Variants in SH3RF1 observed in about 807,000 individuals in gnomAD.
SH3RF1 encodes the protein SH3 domain containing ring finger 1, also known as E3 ubiquitin-protein ligase SH3RF1.
Under a neutral mutation model 74.0 loss-of-function variants are expected in SH3RF1, and 32 were observed. That is an observed-to-expected ratio of 0.43 (90% CI 0.33 to 0.58). The LOEUF (loss-of-function observed/expected upper bound fraction) is 0.58, where lower values mean the gene tolerates loss of function less well. Ranked by LOEUF, SH3RF1 falls within the 20% of genes least tolerant of loss-of-function variation. The pLI is 0.05. For missense variants in SH3RF1, 954 were observed against 1,130.9 expected, an observed-to-expected ratio of 0.84 and a Z score of 2.24; for synonymous variants, 396 against 439.6, an observed-to-expected ratio of 0.90 and a Z score of 1.24.
intron 2 of SH3RF1, among the ~76,000 whole-genome samples, chr4:169,203,375 AC>A (rs1397179239): frequency 6.6e-6 from 1 of 151,914 alleles, no homozygotes; most frequent in Non-Finnish European, 1.5e-5. Context: ...ACATGGTGAA[AC>A]CCCACCTCTA....
intron 2 of SH3RF1, among the ~76,000 whole-genome samples, chr4:169,206,351 C>T (rs1730260353): frequency 6.6e-6 from 1 of 152,130 alleles, no homozygotes. Flanking sequence ...TAGGAGTTTG[C>T]CAGCACTGCC....
At chr4:169,244,186 C>T (rs1730957616) in intron 2 of SH3RF1, among the ~76,000 whole-genome samples, 1 of 152,190 alleles carries the variant, frequency 6.6e-6, no homozygotes, top group South Asian at 2.1e-4. Context: ...TCTTGCTGTT[C>T]TCATACATGT....
intron 2 of SH3RF1, among the ~76,000 whole-genome samples, chr4:169,227,870 G>T (rs1421424759): frequency 1.3e-5 from 2 of 152,160 alleles, no homozygotes; most frequent in Non-Finnish European, 2.9e-5. Context: ...AGAGTTTATT[G>T]CATTTTTCAA....
intron 2 of SH3RF1, among the ~76,000 whole-genome samples, chr4:169,245,629 T>C (rs1460383258): frequency 6.6e-6 from 1 of 152,172 alleles, no homozygotes; most frequent in East Asian, 1.9e-4. Flanking sequence ...AATCCACCTA[T>C]AAATATAGCA....
intron 4 of SH3RF1, among the ~76,000 whole-genome samples, chr4:169,141,844 G>A (rs112707974): frequency 2.1e-5 from 3 of 139,800 alleles, no homozygotes; most frequent in Non-Finnish European, 3.0e-5. Context: ...ATGGAGTCTC[G>A]CTCTGTTGCC....
chr4:169,235,212 C>T (rs1009608691), intron 2 of SH3RF1, among the ~76,000 whole-genome samples: 4 of 152,146 alleles, frequency 2.6e-5, no homozygotes, highest in African/African-American at 9.7e-5. Flanking sequence ...AAACACTAAA[C>T]AGTACCCAAG....
intron 2 of SH3RF1, among the ~76,000 whole-genome samples, chr4:169,222,786 CACTTTA>C (rs1284619672): frequency 6.6e-6 from 1 of 152,078 alleles, no homozygotes; most frequent in Non-Finnish European, 1.5e-5. Context: ...TATTTTGTGA[CACTTTA>C]ACTTTAATGG....
At position 169,106,034 on chromosome 4, in the gene SH3RF1, TTAA is replaced by T. The variant is rs532294621; in HGVS notation, c.2498+810_2498+812del. Among the ~76,000 whole-genome samples the T allele has an allele frequency of 1.9e-3, 283 of 152,140 alleles. 1 individual carries two copies. Among genetic ancestry groups the T allele is most frequent in the African/African-American group, 6.4e-3 (265 of 41,496 alleles). On this transcript the variant is annotated intron_variant, in intron 11 of 11. Transcript: ENST00000284637. ...TTTTTTTTTAGCTCATCAGCTATAA[TTAA>T]TGTTAGTGTGTATATATATGTAATG...
intron 2 of SH3RF1, among the ~76,000 whole-genome samples, chr4:169,260,140 C>T (rs114074067): frequency 6.6e-6 from 1 of 152,126 alleles, no homozygotes; most frequent in South Asian, 2.1e-4. Flanking sequence ...TCGTGGAATG[C>T]TGAGAAAAGA....
chr4:169,238,612 T>C (rs1352273607), intron 2 of SH3RF1, among the ~76,000 whole-genome samples: 1 of 152,252 alleles, frequency 6.6e-6, no homozygotes, highest in East Asian at 1.9e-4. Context: ...ATCAGCTCTG[T>C]GCTGTTTTGA....
intron 6 of SH3RF1, among the ~76,000 whole-genome samples, chr4:169,123,834 G>T (rs546376030): frequency 6.6e-6 from 1 of 152,144 alleles, no homozygotes; most frequent in Admixed American, 6.5e-5. Flanking sequence ...GGAGCTTGCA[G>T]TGAGCCAAGA....
intron 2 of SH3RF1, among the ~76,000 whole-genome samples, chr4:169,183,761 A>AC (rs922902786): frequency 6.7e-6 from 1 of 149,368 alleles, no homozygotes; most frequent in African/African-American, 2.5e-5. Context: ...AAAAAAAAAA[A>AC]AACAAAACAA....
intron 2 of SH3RF1, among the ~76,000 whole-genome samples, chr4:169,157,507 A>G (rs1734079647): frequency 1.3e-5 from 2 of 152,226 alleles, no homozygotes; most frequent in African/African-American, 2.4e-5. Context: ...TTAATCATCA[A>G]CTGATTAATA....
intron 2 of SH3RF1, among the ~76,000 whole-genome samples, chr4:169,211,200 G>A (rs1730355491): frequency 1.3e-5 from 2 of 152,088 alleles, no homozygotes; most frequent in South Asian, 4.1e-4. Flanking sequence ...GCCGGGCACG[G>A]TGTTGAGCAC....
At chr4:169,185,840 G>A (rs1294988462) in intron 2 of SH3RF1, among the ~76,000 whole-genome samples, 1 of 152,152 alleles carries the variant, frequency 6.6e-6, no homozygotes. Context: ...CCGAGAGGGG[G>A]CAGCAATCAT....
At chr4:169,120,303 A>G (rs957955237) in intron 8 of SH3RF1, among the ~76,000 whole-genome samples, 1 of 152,248 alleles carries the variant, frequency 6.6e-6, no homozygotes, top group Non-Finnish European at 1.5e-5. Flanking sequence ...AATGAAATAA[A>G]TATAAATCTA....
intron 2 of SH3RF1, among the ~76,000 whole-genome samples, chr4:169,203,012 A>C (rs1734936251): frequency 6.6e-6 from 1 of 152,208 alleles, no homozygotes; most frequent in Non-Finnish European, 1.5e-5. Flanking sequence ...CTTGGAGAAA[A>C]AAAGGTCTAT....
At chr4:169,202,885 T>A (rs1053470642) in intron 2 of SH3RF1, among the ~76,000 whole-genome samples, 2 of 152,182 alleles carry the variant, frequency 1.3e-5, no homozygotes, top group African/African-American at 4.8e-5. Flanking sequence ...CTGGCAATTG[T>A]GTGCTTTCTG....
chr4:169,170,021 C>T (rs909859411), intron 2 of SH3RF1, among the ~76,000 whole-genome samples: 2 of 150,910 alleles, frequency 1.3e-5, no homozygotes, highest in African/African-American at 4.9e-5. Context: ...TTGCAATGAA[C>T]AATTTTATCA....
Sources: gnomAD v4.1 joint callset for allele counts (sites outside exome capture counted in the v4.1 genomes callset) on GRCh38, gnomAD v4.1.1 for gene constraint, MANE v1.5 for transcripts, NCBI Gene and HGNC (gene_info 2026-07-23, HGNC 2026-07-21) for gene names.